Variants in FAM149B1 observed in about 807,000 individuals in gnomAD.
The protein encoded by FAM149B1 is family with sequence similarity 149 member B1, also known as primary cilium assembly protein FAM149B1.
A neutral mutation model predicts 75.3 loss-of-function variants in FAM149B1; 56 were observed. The observed-to-expected ratio is 0.74, with a 90% CI of 0.60 to 0.93. FAM149B1 has a LOEUF of 0.93. FAM149B1 is among the 40% of genes least tolerant of loss of function. The pLI, the probability that FAM149B1 is intolerant of heterozygous loss-of-function variation, is 0.00. For missense variants in FAM149B1, 639 were observed against 708.4 expected (o/e 0.90, Z 1.11); for synonymous variants, 259 against 256.1 (o/e 1.01, Z -0.11).
intron 10 of FAM149B1, 41 bp downstream of exon 10, chr10:73,233,204 C>T: frequency 7.5e-7 from 1 of 1,333,624 alleles, no homozygotes; most frequent in South Asian, 1.3e-5. Context: ...CGTGGTAAAA[C>T]TAACACATTT....
At chr10:73,214,014 C>G (rs927085440) in intron 7 of FAM149B1, among the ~76,000 whole-genome samples, 1 of 152,032 alleles carries the variant, frequency 6.6e-6, no homozygotes, top group Non-Finnish European at 1.5e-5. Context: ...TTTTGTAGTT[C>G]TCCTTATAGA....
Position 73,243,209 on chromosome 10 carries a change from T to TGTCAA in FAM149B1, c.*2193_*2197dup, listed in dbSNP as rs1304607563. ...TTCCTTCAGGTGAGACCTCACACAATGTCAAGTGCTTTCTAGGAAATACTA... is the reference window on the plus strand; with the variant it reads ...TTCCTTCAGGTGAGACCTCACACAATGTCAAGTCAAGTGCTTTCTAGGAAATACTA... On this transcript the variant is annotated 3_prime_UTR_variant, in exon 14 of 14. Transcript: ENST00000242505. The TGTCAA allele has an allele frequency of 5.0e-6, 3 of 597,444 alleles. No homozygotes were observed. Among genetic ancestry groups the TGTCAA allele is most frequent in the African/African-American group, 1.9e-5 (1 of 53,288 alleles). The allele number at this position is 597,444 out of a possible 1,614,324, so 37.0% of individuals were successfully genotyped here.
chr10:73,214,435 G>GT (rs1221223173), intron 7 of FAM149B1, among the ~76,000 whole-genome samples: 1 of 152,160 alleles, frequency 6.6e-6, no homozygotes, highest in Non-Finnish European at 1.5e-5. Flanking sequence ...CTAGCTATGG[G>GT]TTTGTTGTTT....
At chr10:73,190,607 TCC>T (rs2042659662) in intron 3 of FAM149B1, among the ~76,000 whole-genome samples, 1 of 152,114 alleles carries the variant, frequency 6.6e-6, no homozygotes, top group African/African-American at 2.4e-5. Context: ...ATGACTTTTC[TCC>T]CACTGGAACA....
chr10:73,234,749 A>T, intron 10 of FAM149B1, 68 bp from the exon 11 acceptor site: 1 of 1,499,872 alleles, frequency 6.7e-7, no homozygotes, highest in Middle Eastern at 1.7e-4. Context: ...TCTGATTTCT[A>T]ATCAATTTGC....
intron 9 of FAM149B1, 132 bp from the exon 10 acceptor site, chr10:73,232,807 T>C: frequency 1.6e-6 from 1 of 619,070 alleles, no homozygotes; most frequent in Non-Finnish European, 2.9e-6. Context: ...GTGTTACTTA[T>C]TGAAAGGTTT....
chr10:73,234,884 C>A lies in FAM149B1; in HGVS notation c.1420C>A (p.Pro474Thr). 6.4e-7 allele frequency: 1 copy of A among 1,551,942 alleles called. No homozygotes were observed. The highest frequency in any genetic ancestry group is 1.2e-5 in the South Asian group (1 of 84,064). Residue 474 changes from proline (P) to threonine (T), a missense_variant, in exon 11 of 14, where the codon CCT (proline) becomes ACT (threonine). Coordinates refer to ENST00000242505, the MANE Select transcript of FAM149B1 (RefSeq NM_173348.2). The stretch of plus-strand genomic sequence containing the variant: ...CCTGAGTCGAAATAATCTGCTACCA[C>A]CTATTGGCACAGCTGAAGTGGAACA... Reference protein sequence around the residue: ...TPLSRNNLLPPIGTAEVEHVS... With the variant: ...TPLSRNNLLPTIGTAEVEHVS...
At position 73,241,369 on chromosome 10, in the gene FAM149B1, C is replaced by CA. The variant is rs1373061116; in HGVS notation, c.*355dup. 4.3e-6 allele frequency: 1 copy of CA among 235,196 alleles called. No individual in the cohort carries two copies. The highest frequency in any genetic ancestry group is 2.3e-5 in the African/African-American group (1 of 43,320). The allele number at this position is 235,196 out of a possible 1,614,324, so 14.6% of individuals were successfully genotyped here. ...AGGATTTGATGAGCTCACACATACA[C>CA]AAAAAGCAGCAAATCATCAGTGACA... On this transcript the variant is annotated 3_prime_UTR_variant, in exon 14 of 14. Transcript: ENST00000242505.
chr10:73,236,659 AC>A (rs1366235257), intron 12 of FAM149B1, among the ~76,000 whole-genome samples: 2 of 146,600 alleles, frequency 1.4e-5, no homozygotes, highest in East Asian at 4.0e-4. Context: ...TTATCTGCCC[AC>A]CTCAGCCTCC....
rs1413426984 is a variant in FAM149B1 at position 73,208,785 on chromosome 10, ATG to A, written c.710+2_710+3del. 6.7e-6 allele frequency: 10 copies of A among 1,491,664 alleles called. No individual in the cohort carries two copies. Among genetic ancestry groups the A allele is most frequent in the Non-Finnish European group, 9.0e-6 (10 of 1,112,170 alleles). The allele number at this position is 1,491,664 out of a possible 1,614,324, so 92.4% of individuals were successfully genotyped here. On this transcript the variant is annotated splice_donor_variant and coding_sequence_variant, in exon 6 of 14. Transcript: ENST00000242505. LOFTEE classifies it high-confidence loss of function. ...ATACCTAGCATTCGATCACATAGAT[ATG>A]TGAGTATTATGCCTTTTAAGCTTTT... is the stretch of plus-strand genomic sequence containing the variant.
In FAM149B1 at chr10:73,168,292, C is replaced by T; in HGVS notation, c.-48C>T. 1 of 1,545,240 alleles carries T rather than the reference C, an allele frequency of 6.5e-7. No individual in the cohort carries two copies. The highest frequency in any genetic ancestry group is 8.7e-7 in the Non-Finnish European group (1 of 1,145,008). ...CCCGGAGGCCCCCACCCTGGCGTGCCTGCCCCGGCCGCGGCTGAGGAGGAG... is the reference window on the plus strand; with the variant it reads ...CCCGGAGGCCCCCACCCTGGCGTGCTTGCCCCGGCCGCGGCTGAGGAGGAG... On this transcript the variant is annotated 5_prime_UTR_variant, in exon 1 of 14. Coordinates refer to ENST00000242505, the MANE Select transcript of FAM149B1 (RefSeq NM_173348.2).
intron 7 of FAM149B1, among the ~76,000 whole-genome samples, chr10:73,214,020 ATAGAGATC>A (rs1192656648): frequency 5.9e-5 from 9 of 152,084 alleles, no homozygotes; most frequent in African/African-American, 2.2e-4. Flanking sequence ...AGTTCTCCTT[ATAGAGATC>A]TTTCACCTCC....
In FAM149B1 at chr10:73,218,913, C is replaced by G. The variant is rs146031790; in HGVS notation, c.898+8475C>G. Among the ~76,000 whole-genome samples the G allele has an allele frequency of 2.2e-3, 335 of 152,280 alleles. 7 individuals are homozygous for G. The highest frequency in any genetic ancestry group is 7.2e-3 in the African/African-American group (301 of 41,574). On this transcript the variant is annotated intron_variant, in intron 7 of 13. Coordinates refer to ENST00000242505, the MANE Select transcript of FAM149B1 (RefSeq NM_173348.2). ...CAAGAAAAAACTTAGGCCTCACTTT[C>G]AACACATGGATTGGGTCATCACTTA... is the stretch of plus-strand genomic sequence containing the variant.
chr10:73,243,729 T>C lies in FAM149B1; in HGVS notation c.*2710T>C, dbSNP rs921632680. 18 of 1,130,802 alleles carry C rather than the reference T, an allele frequency of 1.6e-5. No individual in the cohort carries two copies. The highest frequency in any genetic ancestry group is 2.0e-5 in the Non-Finnish European group (16 of 786,484). The allele number at this position is 1,130,802 out of a possible 1,614,324, so 70.0% of individuals were successfully genotyped here. On this transcript the variant is annotated 3_prime_UTR_variant, in exon 14 of 14. Coordinates refer to ENST00000242505, the MANE Select transcript of FAM149B1 (RefSeq NM_173348.2). ...AAATTGTACACTTTAAAAGGACAAA[T>C]AGAAGGTATGCGGTTATGTCTTAAA...
chr10:73,233,095 G>C lies in FAM149B1; in HGVS notation c.1284G>C (p.Pro428=), dbSNP rs951645895. 1.7e-5 allele frequency: 26 copies of C among 1,551,526 alleles called. No homozygotes were observed. Among genetic ancestry groups the C allele is most frequent in the Non-Finnish European group, 2.3e-5 (26 of 1,147,010 alleles). The part of the protein sequence containing the change: ...RRNPPPRTLH[P]ISTSHSCAET... ...ATCCACCACCACGAACTCTTCATCC[G>C]ATCAGCACGAGCCATTCATGTGCTG... Residue 428 remains proline (P), a synonymous_variant, in exon 10 of 14, where the codon CCG becomes CCC. Coordinates refer to ENST00000242505, the MANE Select transcript of FAM149B1 (RefSeq NM_173348.2).
At chr10:73,239,176 C>T (rs1388155947) in intron 12 of FAM149B1, 136 bp from the exon 13 acceptor site, 5 of 650,968 alleles carry the variant, frequency 7.7e-6, no homozygotes, top group Non-Finnish European at 8.0e-6. Context: ...CCAGTGCACT[C>T]AGCTGACTTT....
At chr10:73,187,598 G>A (rs893583002) in intron 3 of FAM149B1, among the ~76,000 whole-genome samples, 2 of 151,470 alleles carry the variant, frequency 1.3e-5, no homozygotes, top group South Asian at 2.1e-4. Flanking sequence ...GTGTGGTGGC[G>A]CAGGCCTGTA....
intron 7 of FAM149B1, among the ~76,000 whole-genome samples, chr10:73,217,071 C>G (rs2043312320): frequency 6.6e-6 from 1 of 152,190 alleles, no homozygotes; most frequent in African/African-American, 2.4e-5. Flanking sequence ...CGTATGCACT[C>G]TTTGTCTGGC....
rs527900413 is a variant in FAM149B1 at position 73,196,908 on chromosome 10, A to G, written c.542+3315A>G. Among the ~76,000 whole-genome samples, 8 of 152,356 alleles carry G rather than the reference A, an allele frequency of 5.3e-5. No individual in the cohort carries two copies. In the South Asian group the frequency reaches 1.4e-3, roughly 28 times the overall value. Reference sequence around the variant, plus strand: ...AGAAGAAAGTGCTAGAGTAAACAACATAGTAATACAGCATCTTCCTCTTTG... The same window carrying G: ...AGAAGAAAGTGCTAGAGTAAACAACGTAGTAATACAGCATCTTCCTCTTTG... On this transcript the variant is annotated intron_variant, in intron 5 of 13. Coordinates refer to ENST00000242505, the MANE Select transcript of FAM149B1 (RefSeq NM_173348.2).
Sources: allele counts gnomAD v4.1 joint callset (sites outside exome capture counted in the v4.1 genomes callset), GRCh38; gene constraint gnomAD v4.1.1; transcripts MANE v1.5; gene names NCBI Gene and HGNC (gene_info 2026-07-23, HGNC 2026-07-21).